The following DZANK1 variants were observed in gnomAD, a reference collection of about 807,000 sequenced individuals.
DZANK1 encodes double zinc ribbon and ankyrin repeat-containing protein 1.
In DZANK1, 91 loss-of-function variants were observed where a neutral mutation model predicts 94.5. The observed-to-expected ratio is 0.96, with a 90% CI of 0.81 to 1.15. The LOEUF (loss-of-function observed/expected upper bound fraction) is 1.15. Among genes scored for constraint, DZANK1 ranks in the 50% most tolerant of loss-of-function variants. The pLI, the probability that DZANK1 is intolerant of heterozygous loss-of-function variation, is 0.00. For synonymous variants in DZANK1, 312 were observed against 325.3 expected (o/e 0.96, Z 0.44); for missense variants, 903 against 916.4 (o/e 0.99, Z 0.19).
chr20:18,433,452 G>C (rs1568969917), intron 9 of DZANK1, 200 bp downstream of exon 9: 2 of 524,404 alleles, frequency 3.8e-6, no homozygotes, highest in Non-Finnish European at 3.4e-6. Flanking sequence ...TGAGGCAGGA[G>C]AATCACTTGA....
chr20:18,397,715 G>T (rs1443938804), intron 14 of DZANK1, among the ~76,000 whole-genome samples: 2 of 152,170 alleles, frequency 1.3e-5, no homozygotes, highest in Non-Finnish European at 2.9e-5. Flanking sequence ...GCTAGAGGTG[G>T]TTGGATGTCT....
intron 14 of DZANK1, among the ~76,000 whole-genome samples, chr20:18,397,801 G>A (rs977204408): frequency 6.6e-6 from 1 of 152,142 alleles, no homozygotes; most frequent in Non-Finnish European, 1.5e-5. Context: ...GGGTTCAGCT[G>A]GCGCACCTAC....
At chr20:18,423,958 A>G (rs1371249233) in intron 10 of DZANK1, among the ~76,000 whole-genome samples, 1 of 152,196 alleles carries the variant, frequency 6.6e-6, no homozygotes, top group Non-Finnish European at 1.5e-5. Context: ...AAAAAAATAG[A>G]GCAAATGAAT....
intron 2 of DZANK1, among the ~76,000 whole-genome samples, chr20:18,462,736 C>T (rs564056618): frequency 6.6e-6 from 1 of 151,986 alleles, no homozygotes; most frequent in South Asian, 2.1e-4. Flanking sequence ...TGGTTCACAT[C>T]TGTAATCCCA....
chr20:18,457,403 C>T (rs994536471), intron 3 of DZANK1, among the ~76,000 whole-genome samples: 3 of 152,150 alleles, frequency 2.0e-5, no homozygotes, highest in South Asian at 2.1e-4. Flanking sequence ...CTTGAACCCA[C>T]GAGGCGGAGG....
At chr20:18,455,191 A>G (rs1438032086) in intron 4 of DZANK1, 56 bp downstream of exon 4, 2 of 1,376,866 alleles carry the variant, frequency 1.5e-6, no homozygotes, top group Non-Finnish European at 2.0e-6. Flanking sequence ...GCTCACTGAG[A>G]AAGAAGGAAC....
At chr20:18,438,015 G>A (rs898705474) in intron 8 of DZANK1, among the ~76,000 whole-genome samples, 3 of 151,900 alleles carry the variant, frequency 2.0e-5, no homozygotes, top group South Asian at 2.1e-4. Context: ...TCAGGAGATC[G>A]AGACCATCCT....
intron 9 of DZANK1, among the ~76,000 whole-genome samples, chr20:18,430,251 TG>T (rs1198307529): frequency 6.6e-6 from 1 of 152,192 alleles, no homozygotes; most frequent in African/African-American, 2.4e-5. Context: ...ATGGTTACAC[TG>T]GCCTTAACCC....
intron 13 of DZANK1, among the ~76,000 whole-genome samples, chr20:18,405,790 A>T (rs192059238): frequency 9.5e-4 from 144 of 152,376 alleles, no homozygotes; most frequent in African/African-American, 3.4e-3. Flanking sequence ...GGCATCGAGA[A>T]GGGCAGGAGA....
At chr20:18,410,202 A>T (rs1379831917) in intron 13 of DZANK1, among the ~76,000 whole-genome samples, 1 of 152,194 alleles carries the variant, frequency 6.6e-6, no homozygotes, top group Non-Finnish European at 1.5e-5. Context: ...TGTTATAACT[A>T]ATAATTGTAA....
intron 15 of DZANK1, among the ~76,000 whole-genome samples, chr20:18,395,769 C>G (rs959467196): frequency 7.2e-5 from 11 of 152,222 alleles, no homozygotes; most frequent in African/African-American, 2.4e-4. Flanking sequence ...AAGTTCCTCT[C>G]TGACCCAAGC....
At chr20:18,408,200 C>A (rs908821328) in intron 13 of DZANK1, among the ~76,000 whole-genome samples, 1 of 152,184 alleles carries the variant, frequency 6.6e-6, no homozygotes, top group Admixed American at 6.5e-5. Context: ...CCCGCTATCC[C>A]AGCTACTTGG....
At chr20:18,442,154 T>TG (rs2058733027) in intron 8 of DZANK1, among the ~76,000 whole-genome samples, 1 of 152,196 alleles carries the variant, frequency 6.6e-6, no homozygotes, top group Admixed American at 6.5e-5. Flanking sequence ...GAAATATAAC[T>TG]GGGGGGCAAT....
At chr20:18,422,468 C>T (rs117077385) in intron 10 of DZANK1, among the ~76,000 whole-genome samples, 3,741 of 152,262 alleles carry the variant, frequency 0.025, 72 homozygotes, top group African/African-American at 0.047. Context: ...ATCTGAAAAT[C>T]TAAAATCTAA....
chr20:18,409,095 T>C lies in DZANK1; in HGVS notation c.1432+3551A>G, dbSNP rs60325505. 7.3e-3 allele frequency among the ~76,000 whole-genome samples: 1,117 copies of C among 152,316 alleles called. 14 individuals carry two copies. The highest frequency in any genetic ancestry group is 0.026 in the African/African-American group (1,080 of 41,560). On this transcript the variant is annotated intron_variant, in intron 13 of 20. Coordinates refer to ENST00000262547, the Ensembl canonical transcript of DZANK1. ...ATCAGTGTTACTATTATGCATTGCA[T>C]GGCTCTACCAAAATATCTCACGTAC...
intron 17 of DZANK1, among the ~76,000 whole-genome samples, chr20:18,393,365 G>A (rs1324702704): frequency 6.6e-6 from 1 of 152,172 alleles, no homozygotes; most frequent in Admixed American, 6.5e-5. Context: ...CTCATGCTGG[G>A]CACCAGGCCA....
exon 9 of DZANK1, chr20:18,433,724 G>A (rs1164920838): frequency 3.7e-6 from 6 of 1,614,066 alleles, no homozygotes; most frequent in Admixed American, 1.7e-5. Flanking sequence ...AGATGGGAGT[G>A]TTCATGGGTA....
intron 14 of DZANK1, among the ~76,000 whole-genome samples, chr20:18,397,366 G>A (rs1198724733): frequency 6.6e-6 from 1 of 152,160 alleles, no homozygotes; most frequent in Non-Finnish European, 1.5e-5. Context: ...ACAAACAGAG[G>A]AAAGGTCCTC....
rs548217570 is a variant in DZANK1, at chr20:18,415,217, A to G, written c.1077+110T>C. 4.4e-5 allele frequency: 51 copies of G among 1,153,272 alleles called. No individual in the cohort carries two copies. In the African/African-American group the frequency reaches 6.9e-4, roughly 16 times the overall value. 71.4% of individuals were successfully genotyped at this position (1,153,272 alleles called of 1,614,324 possible). ...AGATTCTTAGGTTATAGGTACCAGTAGCGAAATCACAAGAAGTGATTTCTG... is the reference window on the plus strand; with the variant it reads ...AGATTCTTAGGTTATAGGTACCAGTGGCGAAATCACAAGAAGTGATTTCTG... On this transcript the variant is annotated intron_variant, in intron 11 of 20. Transcript: ENST00000262547.
Sources: allele counts gnomAD v4.1 joint callset (sites outside exome capture counted in the v4.1 genomes callset), GRCh38; gene constraint gnomAD v4.1.1; transcripts MANE v1.5; gene names NCBI Gene and HGNC (gene_info 2026-07-23, HGNC 2026-07-21).